AAK1: variants seen among roughly 807,000 people sequenced by gnomAD.
The protein encoded by AAK1 is AP2 associated kinase 1, also known as AP2-associated protein kinase 1.
A neutral mutation model predicts 116.0 loss-of-function variants in AAK1; 37 were observed. That is an observed-to-expected ratio of 0.32 (90% CI 0.25 to 0.42). AAK1 has a LOEUF of 0.42. Among genes scored for constraint, AAK1 ranks in the 10% least tolerant of loss-of-function variants. The pLI, the probability that AAK1 is intolerant of heterozygous loss-of-function variation, is 1.00. For missense variants in AAK1, 919 were observed against 1,170.6 expected, an observed-to-expected ratio of 0.79 and a Z score of 3.14; for synonymous variants, 458 against 439.9, an observed-to-expected ratio of 1.04 and a Z score of -0.51.
At position 69,471,986 on chromosome 2, in the gene AAK1, T is replaced by C; in HGVS notation, c.*3883A>G. The C allele has an allele frequency of 4.1e-6, 4 of 985,392 alleles. No homozygotes were observed. Among genetic ancestry groups the C allele is most frequent in the Non-Finnish European group, 4.8e-6 (4 of 829,870 alleles). 61.0% of individuals were successfully genotyped at this position (985,392 alleles called of 1,614,324 possible). On this transcript the variant is annotated 3_prime_UTR_variant, in exon 22 of 22. Transcript: ENST00000409085. ...AGTATTAGCAATCCAAGTTGTGTAATTCTAATTCAGGAAGAGCGAAGTCCA... is the reference window on the plus strand; with the variant it reads ...AGTATTAGCAATCCAAGTTGTGTAACTCTAATTCAGGAAGAGCGAAGTCCA...
intron 2 of AAK1, among the ~76,000 whole-genome samples, chr2:69,620,398 T>A (rs1486419735): frequency 6.6e-6 from 1 of 152,206 alleles, no homozygotes; most frequent in Non-Finnish European, 1.5e-5. Context: ...CCTCTTCCCA[T>A]CAGCCTACTG....
chr2:69,485,723 A>G (rs1675271860), intron 17 of AAK1, among the ~76,000 whole-genome samples: 2 of 95,742 alleles, frequency 2.1e-5, no homozygotes, highest in African/African-American at 9.3e-5. Context: ...GCAATGGCAC[A>G]ATTTCGGCTC....
intron 5 of AAK1, among the ~76,000 whole-genome samples, chr2:69,532,692 T>C (rs909086451): frequency 1.2e-4 from 18 of 152,256 alleles, no homozygotes; most frequent in African/African-American, 4.1e-4. Context: ...ACTTGGACCT[T>C]ATAAGTACCT....
chr2:69,587,371 A>G (rs1026052007), intron 2 of AAK1, among the ~76,000 whole-genome samples: 9 of 100,830 alleles, frequency 8.9e-5, no homozygotes, highest in African/African-American at 5.4e-4. Flanking sequence ...ATGCGTGTAC[A>G]CACACATATA....
Position 69,464,020 on chromosome 2 carries a change from A to G in AAK1, c.*11849T>C, listed in dbSNP as rs1250506841. 6.6e-6 allele frequency: 1 copy of G among 152,652 alleles called. No individual in the cohort carries two copies. The highest frequency in any genetic ancestry group is 1.5e-5 in the Non-Finnish European group (1 of 68,038). The allele number at this position is 152,652 out of a possible 1,614,324, so 9.5% of individuals were successfully genotyped here. On this transcript the variant is annotated 3_prime_UTR_variant, in exon 22 of 22. Coordinates refer to ENST00000409085, the MANE Select transcript of AAK1 (RefSeq NM_014911.5). Reference sequence around the variant, plus strand: ...AGGAATAAGTCAGATCTTTCCAGAAATAAAAGACAATTTTAAAAAACATCA... The same window carrying G: ...AGGAATAAGTCAGATCTTTCCAGAAGTAAAAGACAATTTTAAAAAACATCA...
Position 69,468,114 on chromosome 2 carries a change from T to C in AAK1, c.*7755A>G. On this transcript the variant is annotated 3_prime_UTR_variant, in exon 22 of 22. Coordinates refer to ENST00000409085, the MANE Select transcript of AAK1 (RefSeq NM_014911.5). ...CAGAATAGTATTTGAAGAATAAGAT[T>C]TTGAAAAGAATAAATTTTTCCTTGT... The C allele has an allele frequency of 4.1e-6, 4 of 985,288 alleles. No homozygotes were observed. In the South Asian group the frequency reaches 1.9e-4, roughly 46 times the overall value. The allele number at this position is 985,288 out of a possible 1,614,324, so 61.0% of individuals were successfully genotyped here. A position where few individuals can be genotyped will look rare whatever the true frequency, so the allele number is the denominator to read the frequency against.
rs940211524 is a variant in AAK1 at position 69,472,296 on chromosome 2, T to G, written c.*3573A>C. 3 of 418,348 alleles carry G rather than the reference T, an allele frequency of 7.2e-6. No homozygotes were observed. The highest frequency in any genetic ancestry group is 6.4e-5 in the Admixed American group (1 of 15,544). The allele number at this position is 418,348 out of a possible 1,614,324, so 25.9% of individuals were successfully genotyped here. Reference sequence around the variant, plus strand: ...GCTAAATGTTACTCAGAACCAAGAGTAGTAGAAAAAGTAGACAAAGAAAGA... The same window carrying G: ...GCTAAATGTTACTCAGAACCAAGAGGAGTAGAAAAAGTAGACAAAGAAAGA... On this transcript the variant is annotated 3_prime_UTR_variant, in exon 22 of 22. Transcript: ENST00000409085.
chr2:69,552,272 A>C (rs891708916), intron 3 of AAK1, among the ~76,000 whole-genome samples: 10 of 152,230 alleles, frequency 6.6e-5, no homozygotes, highest in African/African-American at 2.4e-4. Context: ...AGAATAGAGA[A>C]AGGCCTGCAA....
At chr2:69,602,059 A>G (rs1673604290) in intron 2 of AAK1, among the ~76,000 whole-genome samples, 1 of 152,200 alleles carries the variant, frequency 6.6e-6, no homozygotes, top group Non-Finnish European at 1.5e-5. Flanking sequence ...AAATCTAAGC[A>G]CAGGGAACAT....
At chr2:69,503,635 T>C (rs1260199153) in intron 16 of AAK1, among the ~76,000 whole-genome samples, 1 of 152,070 alleles carries the variant, frequency 6.6e-6, no homozygotes, top group East Asian at 1.9e-4. Flanking sequence ...TCCTCCCACC[T>C]GAGCCACCTG....
intron 9 of AAK1, among the ~76,000 whole-genome samples, chr2:69,526,350 A>G (rs2105013634): frequency 6.6e-6 from 1 of 152,378 alleles, no homozygotes; most frequent in South Asian, 2.1e-4. Context: ...CTTAAGTCCC[A>G]GCAGTGAAAT....
intron 3 of AAK1, among the ~76,000 whole-genome samples, chr2:69,553,437 G>GTTTT (rs70954350): frequency 0.028 from 2,255 of 79,592 alleles, 329 homozygotes; most frequent in African/African-American, 0.1. Context: ...ATTGAAAGTT[G>GTTTT]TTTTTTTTTT....
chr2:69,529,245 T>A (rs1670143229), intron 8 of AAK1, among the ~76,000 whole-genome samples: 2 of 152,242 alleles, frequency 1.3e-5, no homozygotes, highest in South Asian at 4.1e-4. Flanking sequence ...TTTTCCAGTG[T>A]ATCCCCATGC....
chr2:69,504,500 G>A (rs1261626953), intron 16 of AAK1, among the ~76,000 whole-genome samples: 1 of 151,580 alleles, frequency 6.6e-6, no homozygotes, highest in African/African-American at 2.4e-5. Context: ...GGGCATGGTG[G>A]CTCACGCCTG....
At chr2:69,618,165 T>C (rs1674426418) in intron 2 of AAK1, among the ~76,000 whole-genome samples, 1 of 152,042 alleles carries the variant, frequency 6.6e-6, no homozygotes, top group Non-Finnish European at 1.5e-5. Flanking sequence ...ATGCAAGGTC[T>C]TTTTTGTCAC....
intron 2 of AAK1, among the ~76,000 whole-genome samples, chr2:69,573,870 G>A (rs1247924922): frequency 6.6e-6 from 1 of 151,920 alleles, no homozygotes; most frequent in East Asian, 1.9e-4. Context: ...GTGGTTGCGG[G>A]TGCTTGTAAT....
In AAK1 at chr2:69,572,754, A is replaced by G. The variant is rs1672141890; in HGVS notation, c.164-15776T>C. 3.3e-5 allele frequency among the ~76,000 whole-genome samples: 5 copies of G among 152,290 alleles called. No homozygotes were observed. In the South Asian group the frequency reaches 1.0e-3, roughly 32 times the overall value. Reference sequence around the variant, plus strand: ...GGCTGTGTGAAAATGCTGTATGCACAAGAGAGAAGTCTGCCCAGGCACTGA... The same window carrying G: ...GGCTGTGTGAAAATGCTGTATGCACGAGAGAGAAGTCTGCCCAGGCACTGA... On this transcript the variant is annotated intron_variant, in intron 2 of 21. Coordinates refer to ENST00000409085, the MANE Select transcript of AAK1 (RefSeq NM_014911.5).
At chr2:69,628,786 C>T (rs1675030716) in intron 2 of AAK1, among the ~76,000 whole-genome samples, 1 of 152,130 alleles carries the variant, frequency 6.6e-6, no homozygotes, top group African/African-American at 2.4e-5. Flanking sequence ...CATTGGTGAG[C>T]GAGCCACCTA....
Position 69,471,737 on chromosome 2 carries a change from G to A in AAK1, c.*4132C>T. ...CTATAGCATGTATTTATTTAGCTGAGTGCAGATCCCTCCACATCATAGGCT... is the reference window on the plus strand; with the variant it reads ...CTATAGCATGTATTTATTTAGCTGAATGCAGATCCCTCCACATCATAGGCT... On this transcript the variant is annotated 3_prime_UTR_variant, in exon 22 of 22. Coordinates refer to ENST00000409085, the MANE Select transcript of AAK1 (RefSeq NM_014911.5). 1.9e-5 allele frequency: 19 copies of A among 985,458 alleles called. No homozygotes were observed. Among genetic ancestry groups the A allele is most frequent in the Non-Finnish European group, 2.3e-5 (19 of 829,954 alleles). 61.0% of individuals were successfully genotyped at this position (985,458 alleles called of 1,614,324 possible).
Sources: gnomAD v4.1 joint callset for allele counts (sites outside exome capture counted in the v4.1 genomes callset) on GRCh38, gnomAD v4.1.1 for gene constraint, MANE v1.5 for transcripts, NCBI Gene and HGNC (gene_info 2026-07-23, HGNC 2026-07-21) for gene names.